IGSF10: variants seen among roughly 807,000 people sequenced by gnomAD.
The protein encoded by IGSF10 is calvaria mechanical force protein 608.
Under a neutral mutation model 128.2 loss-of-function variants are expected in IGSF10, and 126 were observed. That is an observed-to-expected ratio of 0.98 (90% confidence interval 0.85 to 1.14). The LOEUF is 1.14. IGSF10 is among the 50% of genes most tolerant of loss of function. IGSF10 has a pLI of 0.00. For synonymous variants in IGSF10, 1,185 were observed against 1,146.2 expected (o/e 1.03, Z -0.68); for missense variants, 3,295 against 3,149.8 (o/e 1.05, Z -1.10).
At chr3:151,606,220 T>A in the IGSF10 span, among the ~76,000 whole-genome samples, 1 of 152,232 alleles carries the variant, frequency 6.6e-6, no homozygotes, top group Non-Finnish European at 1.5e-5. Context: ...TTCCTTTAAA[T>A]CACCTGAGAG....
At chr3:151,515,964 G>T in the IGSF10 span, among the ~76,000 whole-genome samples, 1 of 151,860 alleles carries the variant, frequency 6.6e-6, no homozygotes, top group Admixed American at 6.6e-5. Context: ...AAGGCAAGAG[G>T]GCTGACACTA....
chr3:151,603,758 G>A, the IGSF10 span, among the ~76,000 whole-genome samples: 3 of 152,236 alleles, frequency 2.0e-5, no homozygotes, highest in South Asian at 6.2e-4. Flanking sequence ...AGCTCATGAT[G>A]TGGTTCTCAT....
Position 151,437,354 on chromosome 3 carries a change from G to A in IGSF10, c.7207C>T (p.Arg2403Trp), listed in dbSNP as rs761721524. The stretch of plus-strand genomic sequence containing the variant: ...CAGCGATATTTTCCTGCATCCTCCC[G>A]AGTTGTTTTAGAAATGATAAAAGAA... ...NGSFIISKTT[R>W]EDAGKYRCAA... The change falls in exon 8 of 8, where the codon CGG (arginine) becomes TGG (tryptophan). Residue 2403 changes from arginine (R) to tryptophan (W), a missense_variant. Arg to Trp is a moderately radical substitution (Grantham distance 101). Transcript: ENST00000282466. 27 of 1,613,992 alleles carry A rather than the reference G, an allele frequency of 1.7e-5. No individual in the cohort carries two copies. The Admixed American group carries it at 2.3e-4, about 14-fold the overall frequency.
At chr3:151,616,392 A>C in the IGSF10 span, among the ~76,000 whole-genome samples, 2 of 152,248 alleles carry the variant, frequency 1.3e-5, no homozygotes, top group African/African-American at 4.8e-5. Context: ...CTAAAATCTA[A>C]CATATAAAAA....
the IGSF10 span, among the ~76,000 whole-genome samples, chr3:151,494,480 G>T: frequency 6.6e-6 from 1 of 151,952 alleles, no homozygotes; most frequent in Non-Finnish European, 1.5e-5. Flanking sequence ...TAAAAATTTG[G>T]ATTTTTTTCT....
the IGSF10 span, among the ~76,000 whole-genome samples, chr3:151,596,275 T>C: frequency 1.3e-5 from 2 of 152,152 alleles, no homozygotes; most frequent in Non-Finnish European, 2.9e-5. Context: ...GCCCATTTAC[T>C]AGATGCCTAG....
chr3:151,455,126 T>G (rs1721721612), intron 4 of IGSF10, among the ~76,000 whole-genome samples: 1 of 152,090 alleles, frequency 6.6e-6, no homozygotes, highest in African/African-American at 2.4e-5. Flanking sequence ...GTTTTTTTTT[T>G]TGAGATGGAG....
At chr3:151,502,575 A>C in the IGSF10 span, among the ~76,000 whole-genome samples, 1 of 152,022 alleles carries the variant, frequency 6.6e-6, no homozygotes, top group Non-Finnish European at 1.5e-5. Context: ...TAGGGTATTT[A>C]CTTCGATCTG....
the IGSF10 span, among the ~76,000 whole-genome samples, chr3:151,570,928 G>C: frequency 3.3e-5 from 5 of 152,170 alleles, no homozygotes; most frequent in African/African-American, 1.2e-4. Flanking sequence ...GTAAGGAAGG[G>C]ATCCAGTTTC....
chr3:151,569,775 G>A, the IGSF10 span, among the ~76,000 whole-genome samples: 4 of 152,046 alleles, frequency 2.6e-5, no homozygotes, highest in African/African-American at 4.8e-5. Context: ...GAGTACAGGT[G>A]CACAGCGTGC....
the IGSF10 span, among the ~76,000 whole-genome samples, chr3:151,524,528 C>T: frequency 6.6e-6 from 1 of 152,232 alleles, no homozygotes; most frequent in African/African-American, 2.4e-5. Flanking sequence ...AACACAGGAA[C>T]AGAAAACGAA....
chr3:151,600,568 A>C, the IGSF10 span, among the ~76,000 whole-genome samples: 6 of 152,202 alleles, frequency 3.9e-5, no homozygotes, highest in Admixed American at 3.9e-4. Flanking sequence ...AAAAAATAAC[A>C]GTATACCTAC....
In IGSF10 at chr3:151,445,154, A is replaced by G. The variant is rs774769873; in HGVS notation, c.4827T>C (p.Asp1609=). The G allele has an allele frequency of 2.5e-6, 4 of 1,614,104 alleles. No homozygotes were observed. ...GLSEATTLVS[D]WDGQKNTKKS... is the part of the protein sequence containing the mutation. ...TCTTTGTGTTCTTCTGTCCATCCCA[A>G]TCTGAAACAAGAGTGGTGGCCTCGG... Residue 1609 remains aspartate (D), a synonymous_variant, in exon 6 of 8, where the codon GAT becomes GAC. Coordinates refer to ENST00000282466, the MANE Select transcript of IGSF10 (RefSeq NM_178822.5).
At position 151,445,877 on chromosome 3, in the gene IGSF10, G is replaced by A. The variant is rs149800383; in HGVS notation, c.4104C>T (p.Phe1368=). 2.3e-4 allele frequency: 379 copies of A among 1,614,226 alleles called. 2 individuals are homozygous for A. The African/African-American group carries it at 3.9e-3, about 17-fold the overall frequency. ...PNISPDQSSG[F]TTPTAMTPPV... Reference sequence around the variant, plus strand: ...GAGGTGTCATAGCAGTGGGTGTAGTGAAGCCAGAACTCTGGTCTGGAGAGA... The same window carrying A: ...GAGGTGTCATAGCAGTGGGTGTAGTAAAGCCAGAACTCTGGTCTGGAGAGA... The change falls in exon 6 of 8, where the codon TTC becomes TTT. Residue 1368 remains phenylalanine (F), a synonymous_variant. Transcript: ENST00000282466.
chr3:151,460,773 C>A (rs1169685088), intron 1 of IGSF10, among the ~76,000 whole-genome samples, 173 bp downstream of exon 1: 1 of 151,270 alleles, frequency 6.6e-6, no homozygotes, highest in Admixed American at 6.6e-5. Flanking sequence ...GAAGAATTGT[C>A]GTGTGCTTTC....
In IGSF10 at chr3:151,449,244, TC is replaced by T; in HGVS notation, c.736del (p.Asp246IlefsTer14). On this transcript the variant is annotated frameshift_variant, in exon 6 of 8. Transcript: ENST00000282466. LOFTEE classifies it high-confidence loss of function. ...EKPDVIKCKKDRSPSSAQQCP... is the reference protein window; with the variant it reads ...EKPDVIKCKKXRSPSSAQQCP... ...CTGCTGAGCACTAGAGGGACTTCTA[TC>T]TTTTTTGCATTTTATTACATCTGGA... 1 of 1,578,874 alleles carries T rather than the reference TC, an allele frequency of 6.3e-7. No homozygotes were observed. The highest frequency in any genetic ancestry group is 8.6e-7 in the Non-Finnish European group (1 of 1,164,084).
At chr3:151,483,196 T>C in the IGSF10 span, among the ~76,000 whole-genome samples, 3 of 152,130 alleles carry the variant, frequency 2.0e-5, no homozygotes, top group Admixed American at 6.5e-5. Flanking sequence ...ATATCTTCAA[T>C]ATGAAGATTA....
chr3:151,523,079 G>A, the IGSF10 span, among the ~76,000 whole-genome samples: 3 of 152,068 alleles, frequency 2.0e-5, no homozygotes. Flanking sequence ...GCCACAAAAA[G>A]AATAACATAC....
the IGSF10 span, among the ~76,000 whole-genome samples, chr3:151,570,152 G>C: frequency 6.6e-6 from 1 of 152,174 alleles, no homozygotes. Context: ...CATTTGGGTT[G>C]GTTCCAAGTC....
Sources: gnomAD v4.1 joint callset for allele counts (sites outside exome capture counted in the v4.1 genomes callset) on GRCh38, gnomAD v4.1.1 for gene constraint, MANE v1.5 for transcripts, NCBI Gene and HGNC (gene_info 2026-07-23, HGNC 2026-07-21) for gene names.